Variants in PCDHGB3 observed in about 807,000 individuals in gnomAD.
PCDHGB3 encodes the protein protocadherin gamma-B3.
PCDHGB3 carries 40 observed loss-of-function variants against 59.2 expected under a neutral mutation model. The observed-to-expected ratio is 0.68, with a 90% CI of 0.52 to 0.88. The LOEUF (loss-of-function observed/expected upper bound fraction) is 0.88. Among genes scored for constraint, PCDHGB3 ranks in the 40% least tolerant of loss-of-function variants. The pLI, the probability that PCDHGB3 is intolerant of heterozygous loss-of-function variation, is 0.00. For missense variants in PCDHGB3, 1,309 were observed against 1,187.9 expected (o/e 1.10, Z -1.50); for synonymous variants, 581 against 503.6 (o/e 1.15, Z -2.06).
chr5:141,490,890 G>C lies in PCDHGB3; in HGVS notation c.2416-3917G>C, dbSNP rs751713801. The C allele has an allele frequency of 9.9e-6, 16 of 1,613,306 alleles. No homozygotes were observed. The South Asian group carries it at 1.2e-4, about 12-fold the overall frequency. On this transcript the variant is annotated intron_variant, in intron 1 of 3. Transcript: ENST00000576222. This position sits in a 1 kb window ranked among gnomAD's most constrained non-coding sequence, Gnocchi z 5.4. ...CCCCATTGCATGCCAACACATCTCT[G>C]CATGTGTTTGTCCTAGACGAGAATG...
chr5:141,460,656 ACTGTAAACACAGT>A (rs2098994793), intron 1 of PCDHGB3, among the ~76,000 whole-genome samples: 1 of 152,086 alleles, frequency 6.6e-6, no homozygotes, highest in Admixed American at 6.6e-5. Flanking sequence ...CACATATGTA[ACTGTAAACACAGT>A]TATATATCTA....
intron 1 of PCDHGB3, 173 bp downstream of exon 1, chr5:141,372,982 GT>G: frequency 1.6e-6 from 1 of 641,336 alleles, no homozygotes; most frequent in East Asian, 2.8e-5. Flanking sequence ...GAATATCTGT[GT>G]TGCAGTTGTT....
In PCDHGB3 at chr5:141,395,340, G is replaced by C. The variant is rs529007241; in HGVS notation, c.2415+22531G>C. 3 of 1,419,480 alleles carry C rather than the reference G, an allele frequency of 2.1e-6. No individual in the cohort carries two copies. In the African/African-American group the frequency reaches 4.3e-5, roughly 20 times the overall value. The allele number at this position is 1,419,480 out of a possible 1,614,324, so 87.9% of individuals were successfully genotyped here. On this transcript the variant is annotated intron_variant, in intron 1 of 3. Transcript: ENST00000576222. ...GAAGATAGTTGAAAATAATTTTTAA[G>C]GTGTATCACAGAGTTTTGGGTTTAT...
intron 1 of PCDHGB3, chr5:141,392,953 A>T: frequency 6.2e-7 from 1 of 1,613,924 alleles, no homozygotes; most frequent in Non-Finnish European, 8.5e-7. Context: ...TTCGTGGGTA[A>T]TATCTCCAAG....
chr5:141,416,722 A>G (rs891558095), intron 1 of PCDHGB3: 3 of 152,258 alleles, frequency 2.0e-5, no homozygotes, highest in Admixed American at 6.5e-5. Context: ...TGATGAGTTC[A>G]TTTAGTTCAA....
chr5:141,443,093 C>G (rs1316602934), intron 1 of PCDHGB3, among the ~76,000 whole-genome samples: 2 of 151,940 alleles, frequency 1.3e-5, no homozygotes, highest in African/African-American at 4.8e-5. Flanking sequence ...CAGTCTCCTT[C>G]TCAAGCTGAA....
Position 141,431,334 on chromosome 5 carries a change from C to G in PCDHGB3, c.2415+58525C>G, listed in dbSNP as rs775651426. ...AATGGAGCCGACGGTAGTAAGTACC[C>G]CGAATTGGTGCTGAAACGCGCCCTG... On this transcript the variant is annotated intron_variant, in intron 1 of 3. Transcript: ENST00000576222. This position sits in a 1 kb window ranked among gnomAD's most constrained non-coding sequence, Gnocchi z 4.8. 1.9e-6 allele frequency: 3 copies of G among 1,614,118 alleles called. No individual in the cohort carries two copies. The South Asian group carries it at 3.3e-5, about 18-fold the overall frequency.
intron 1 of PCDHGB3, chr5:141,421,286 T>G: frequency 6.2e-7 from 1 of 1,613,284 alleles, no homozygotes; most frequent in Non-Finnish European, 8.5e-7. Flanking sequence ...CTGTGCATTT[T>G]CCTGGGGACG....
intron 1 of PCDHGB3, chr5:141,392,498 AT>A (rs201401101): frequency 3.1e-4 from 68 of 217,634 alleles, no homozygotes; most frequent in African/African-American, 9.8e-4. Context: ...TAAGCAAATG[AT>A]TTTTTTTTCT....
Position 141,489,866 on chromosome 5 carries a change from A to AGCTGGT in PCDHGB3, c.2416-4937_2416-4932dup. ...GATCGTGAAGCCCAGGCAAGACATC[A>AGCTGGT]GCTGGTGCTTACTGCTGTGGATGGG... On this transcript the variant is annotated intron_variant, in intron 1 of 3. Coordinates refer to ENST00000576222, the MANE Select transcript of PCDHGB3 (RefSeq NM_018924.5). The surrounding 1 kb of genome is among the most constrained non-coding windows in gnomAD (Gnocchi z 4.5). The AGCTGGT allele has an allele frequency of 1.2e-6, 2 of 1,614,220 alleles. No individual in the cohort carries two copies. The highest frequency in any genetic ancestry group is 1.7e-6 in the Non-Finnish European group (2 of 1,180,018).
intron 1 of PCDHGB3, chr5:141,384,697 C>CA (rs1290309898): frequency 6.2e-7 from 1 of 1,614,142 alleles, no homozygotes; most frequent in Non-Finnish European, 8.5e-7. Context: ...AGATTCAGGC[C>CA]AGAACGCCTG....
intron 1 of PCDHGB3, chr5:141,384,214 T>C (rs1305082096): frequency 6.2e-6 from 10 of 1,613,756 alleles, no homozygotes; most frequent in South Asian, 1.1e-5. Flanking sequence ...AACTCACATA[T>C]TCATGCAGGT....
intron 1 of PCDHGB3, chr5:141,397,846 A>C: frequency 1.9e-6 from 1 of 528,462 alleles, no homozygotes; most frequent in South Asian, 3.1e-5. Flanking sequence ...GAAGCCGCAG[A>C]GGCTGTAGTT....
chr5:141,390,437 T>C (rs1182289355), intron 1 of PCDHGB3: 42 of 933,186 alleles, frequency 4.5e-5, no homozygotes, highest in Non-Finnish European at 6.5e-5. Flanking sequence ...CATATCATTC[T>C]ACAAAGGAGG....
At chr5:141,474,557 G>T (rs1261720500) in intron 1 of PCDHGB3, among the ~76,000 whole-genome samples, 2 of 152,184 alleles carry the variant, frequency 1.3e-5, no homozygotes, top group Admixed American at 1.3e-4. Context: ...AAAACTGGGG[G>T]TTTTCAGAGA....
At chr5:141,398,893 C>G in intron 1 of PCDHGB3, 1 of 1,613,962 alleles carries the variant, frequency 6.2e-7, no homozygotes, top group Admixed American at 1.7e-5. Flanking sequence ...GGAAAACGTG[C>G]CACCAGGCAC....
intron 1 of PCDHGB3, chr5:141,375,955 C>T: frequency 6.2e-7 from 1 of 1,613,498 alleles, no homozygotes; most frequent in Non-Finnish European, 8.5e-7. Context: ...TGCACACGGG[C>T]GAGGTGCGCA....
intron 1 of PCDHGB3, among the ~76,000 whole-genome samples, chr5:141,473,871 T>A (rs2099330260): frequency 1.3e-5 from 2 of 152,190 alleles, no homozygotes; most frequent in Admixed American, 6.5e-5. Context: ...TTGTGGAGAA[T>A]GCATACACAA....
At chr5:141,382,828 G>T (rs986779175) in intron 1 of PCDHGB3, 1 of 1,372,334 alleles carries the variant, frequency 7.3e-7, no homozygotes. Context: ...AGACAGAGGG[G>T]TCCACCCGGA....
Sources: gnomAD v4.1 joint callset for allele counts (sites outside exome capture counted in the v4.1 genomes callset) on GRCh38, gnomAD v4.1.1 for gene constraint, Gnocchi (gnomAD v3.1) non-coding constraint, MANE v1.5 for transcripts, NCBI Gene and HGNC (gene_info 2026-07-23, HGNC 2026-07-21) for gene names.